KDM4C: variants seen among roughly 807,000 people sequenced by gnomAD.
The protein encoded by KDM4C is lysine demethylase 4C, also known as lysine-specific demethylase 4C.
A neutral mutation model predicts 129.3 loss-of-function variants in KDM4C; 81 were observed. The observed-to-expected ratio is 0.63, with a 90% CI of 0.52 to 0.75. The LOEUF (loss-of-function observed/expected upper bound fraction) is 0.75. Ranked by LOEUF, KDM4C falls within the 30% of genes least tolerant of loss-of-function variation. The pLI, the probability that KDM4C is intolerant of heterozygous loss-of-function variation, is 0.00. For missense variants in KDM4C, 1,457 were observed against 1,304.0 expected (o/e 1.12, Z -1.81); for synonymous variants, 573 against 456.1 (o/e 1.26, Z -3.26).
chr9:6,827,342 A>G (rs918536802), intron 4 of KDM4C, among the ~76,000 whole-genome samples: 2 of 152,248 alleles, frequency 1.3e-5, no homozygotes, highest in African/African-American at 4.8e-5. Context: ...AAGATGAACT[A>G]AATTCAATGA....
At chr9:7,122,801 G>T (rs1839644551) in intron 18 of KDM4C, among the ~76,000 whole-genome samples, 1 of 151,852 alleles carries the variant, frequency 6.6e-6, no homozygotes, top group Non-Finnish European at 1.5e-5. Flanking sequence ...GTTCATTTCT[G>T]CTTAGTTCAT....
chr9:6,842,316 T>C (rs868456797), intron 4 of KDM4C, among the ~76,000 whole-genome samples: 28 of 132,442 alleles, frequency 2.1e-4, no homozygotes, highest in Middle Eastern at 3.6e-3. Flanking sequence ...ACATTTCTTT[T>C]TTTTTTTTTT....
At chr9:6,748,654 A>G (rs568988192) in intron 1 of KDM4C, 12 of 1,032,728 alleles carry the variant, frequency 1.2e-5, no homozygotes, top group South Asian at 1.0e-4. Flanking sequence ...AAGGACGTCT[A>G]AAAACAAACT....
At chr9:7,101,806 C>T (rs538292769) in intron 17 of KDM4C, among the ~76,000 whole-genome samples, 1 of 148,492 alleles carries the variant, frequency 6.7e-6, no homozygotes, top group South Asian at 2.2e-4. Flanking sequence ...CATAATTTCA[C>T]CTTTCATATA....
At chr9:6,726,282 C>T (rs771776032) in intron 1 of KDM4C, among the ~76,000 whole-genome samples, 2 of 152,120 alleles carry the variant, frequency 1.3e-5, no homozygotes, top group African/African-American at 4.8e-5. Context: ...GAGAGACTTC[C>T]GAGATTCTCT....
chr9:7,132,809 A>G (rs934676729), intron 19 of KDM4C, among the ~76,000 whole-genome samples: 2 of 152,196 alleles, frequency 1.3e-5, no homozygotes, highest in Non-Finnish European at 2.9e-5. Flanking sequence ...GCTCACTTTG[A>G]GGGAGGAGAA....
chr9:6,842,775 A>G (rs1287252712), intron 4 of KDM4C, among the ~76,000 whole-genome samples: 1 of 145,520 alleles, frequency 6.9e-6, no homozygotes, highest in East Asian at 2.0e-4. Context: ...GTTGTCTCCA[A>G]ATACACATCA....
chr9:7,153,597 C>T (rs570414494), intron 19 of KDM4C, among the ~76,000 whole-genome samples: 1 of 152,216 alleles, frequency 6.6e-6, no homozygotes, highest in East Asian at 1.9e-4. Context: ...TGTGGGAAGT[C>T]CTCCAGTTTT....
chr9:6,864,973 T>A (rs969563951), intron 5 of KDM4C, among the ~76,000 whole-genome samples: 2 of 151,476 alleles, frequency 1.3e-5, no homozygotes, highest in Admixed American at 6.6e-5. Context: ...TTTGATTTTT[T>A]AAAAATTATT....
chr9:7,016,487 C>T (rs1265988795), intron 15 of KDM4C, among the ~76,000 whole-genome samples: 6 of 133,066 alleles, frequency 4.5e-5, no homozygotes, highest in East Asian at 2.2e-4. Context: ...AATGCAGTGG[C>T]GTGAGCTCAG....
At chr9:6,777,972 G>C (rs1011739214) in intron 1 of KDM4C, among the ~76,000 whole-genome samples, 1 of 150,060 alleles carries the variant, frequency 6.7e-6, no homozygotes, top group African/African-American at 2.5e-5. Flanking sequence ...CCAGCCTGGA[G>C]TGCAGTGGCA....
chr9:7,071,799 C>T (rs564786671), intron 17 of KDM4C, among the ~76,000 whole-genome samples: 100 of 152,198 alleles, frequency 6.6e-4, no homozygotes, highest in African/African-American at 2.3e-3. Context: ...TACACTTCTG[C>T]TCTTTGAAAA....
chr9:6,936,237 C>T (rs56357252), intron 8 of KDM4C, among the ~76,000 whole-genome samples: 38,889 of 152,018 alleles, frequency 0.26, 5,425 homozygotes, highest in South Asian at 0.4. Context: ...TTTTAAACTT[C>T]ACTGCTTACT....
At chr9:7,023,504 TTTTA>T (rs1825248272) in intron 15 of KDM4C, among the ~76,000 whole-genome samples, 2 of 152,130 alleles carry the variant, frequency 1.3e-5, no homozygotes, top group South Asian at 4.1e-4. Flanking sequence ...TCATCTCTGA[TTTTA>T]TTTATTTTGA....
intron 21 of KDM4C, 44 bp downstream of exon 21, chr9:7,169,934 C>T (rs987125928): frequency 6.2e-7 from 1 of 1,612,062 alleles, no homozygotes. Flanking sequence ...CAAGTGAATT[C>T]CTTGTCCTCA....
intron 17 of KDM4C, among the ~76,000 whole-genome samples, chr9:7,079,553 C>G (rs1393792817): frequency 1.3e-5 from 2 of 152,178 alleles, no homozygotes; most frequent in African/African-American, 4.8e-5. Context: ...AACTCCTGAC[C>G]TCAAGTGATC....
At chr9:7,053,424 T>C (rs778519938) in intron 17 of KDM4C, among the ~76,000 whole-genome samples, 9 of 152,162 alleles carry the variant, frequency 5.9e-5, no homozygotes, top group Non-Finnish European at 8.8e-5. Flanking sequence ...TGACAACTAA[T>C]GGAAAACAAG....
chr9:6,852,463 A>G (rs1839024501), intron 5 of KDM4C, among the ~76,000 whole-genome samples: 2 of 152,184 alleles, frequency 1.3e-5, no homozygotes, highest in Non-Finnish European at 2.9e-5. Context: ...TCTGTGACTC[A>G]TGATCAGAGT....
intron 7 of KDM4C, among the ~76,000 whole-genome samples, chr9:6,888,880 C>T (rs940616329): frequency 8.5e-5 from 3 of 35,362 alleles, no homozygotes; most frequent in Admixed American, 6.2e-4. Context: ...CTCCGCCTCC[C>T]GGGTTCACGC....
Sources: allele counts gnomAD v4.1 joint callset (sites outside exome capture counted in the v4.1 genomes callset), GRCh38; gene constraint gnomAD v4.1.1; transcripts MANE v1.5; gene names NCBI Gene and HGNC (gene_info 2026-07-23, HGNC 2026-07-21).